AVEN: variants seen among roughly 807,000 people sequenced by gnomAD.
AVEN encodes apoptosis and caspase activation inhibitor.
AVEN carries 41 observed loss-of-function variants against 38.1 expected under a neutral mutation model. The ratio of observed to expected loss-of-function variants is 1.08; its 90% CI spans 0.84 to 1.40. The LOEUF (loss-of-function observed/expected upper bound fraction) is 1.40. Among genes scored for constraint, AVEN ranks in the 40% most tolerant of loss-of-function variants. The pLI, the probability that AVEN is intolerant of heterozygous loss-of-function variation, is 0.00. For missense variants in AVEN, 605 were observed against 438.8 expected (o/e 1.38, Z -3.38); for synonymous variants, 206 against 171.8 (o/e 1.20, Z -1.56).
chr15:34,010,191 AC>A (rs1228395023), intron 1 of AVEN, among the ~76,000 whole-genome samples: 1 of 152,210 alleles, frequency 6.6e-6, no homozygotes, highest in African/African-American at 2.4e-5. Context: ...TACTGAAGCT[AC>A]CATCCTATTT....
rs537956491 is a variant in AVEN at position 33,888,419 on chromosome 15, G to A, written c.446-12424C>T. On this transcript the variant is annotated intron_variant, in intron 2 of 5. Coordinates refer to ENST00000306730, the MANE Select transcript of AVEN (RefSeq NM_020371.3). ...CCGACGGAAAACAAAGAGCTGCCCAGGCAAAAAGCCAGAAGGAGATGGTAA... is the reference window on the plus strand; with the variant it reads ...CCGACGGAAAACAAAGAGCTGCCCAAGCAAAAAGCCAGAAGGAGATGGTAA... Among the ~76,000 whole-genome samples, 4 of 152,200 alleles carry A rather than the reference G, an allele frequency of 2.6e-5. No homozygotes were observed. The East Asian group carries it at 7.8e-4, about 30-fold the overall frequency.
At chr15:33,864,945 G>C (rs920992842), downstream of AVEN, 3 of 543,194 alleles carry the variant, frequency 5.5e-6, no homozygotes, top group Non-Finnish European at 9.8e-6. Context: ...GCATGTGTCA[G>C]AGAGACATGG....
chr15:33,950,825 A>C (rs1340141795), intron 2 of AVEN, among the ~76,000 whole-genome samples: 2 of 152,086 alleles, frequency 1.3e-5, no homozygotes, highest in Non-Finnish European at 2.9e-5. Context: ...GGGCAACATA[A>C]TGAGACCCTG....
upstream of AVEN, among the ~76,000 whole-genome samples, chr15:34,042,214 T>C (rs1428110715): frequency 6.6e-6 from 1 of 152,196 alleles, no homozygotes; most frequent in Non-Finnish European, 1.5e-5. Flanking sequence ...TTTCTGGTAT[T>C]GCTTTTGCTT....
chr15:34,042,613 G>T (rs893697369), upstream of AVEN, among the ~76,000 whole-genome samples: 7 of 151,876 alleles, frequency 4.6e-5, no homozygotes, highest in South Asian at 8.3e-4. Context: ...ATGTTGGTCA[G>T]GCTGGTCTCA....
At chr15:33,934,210 CAA>C (rs34165431) in intron 2 of AVEN, among the ~76,000 whole-genome samples, 112 of 141,520 alleles carry the variant, frequency 7.9e-4, no homozygotes, top group Middle Eastern at 3.6e-3. Flanking sequence ...CCCATCTCTA[CAA>C]AAAAAAAAAA....
chr15:33,931,754 A>C (rs576008895), intron 2 of AVEN, among the ~76,000 whole-genome samples: 1 of 152,316 alleles, frequency 6.6e-6, no homozygotes, highest in African/African-American at 2.4e-5. Context: ...TTTTAAAAAA[A>C]TAAAGAGCTT....
chr15:34,020,086 T>C (rs1196814799), intron 1 of AVEN, among the ~76,000 whole-genome samples: 3 of 152,190 alleles, frequency 2.0e-5, no homozygotes, highest in South Asian at 4.1e-4. Flanking sequence ...CCAAGGTGGG[T>C]GGATCACAAG....
At chr15:33,992,250 C>T (rs781005319) in intron 2 of AVEN, among the ~76,000 whole-genome samples, 21 of 152,130 alleles carry the variant, frequency 1.4e-4, no homozygotes, top group Non-Finnish European at 2.5e-4. Context: ...GTTAGCTGGG[C>T]GTGGTGGCGG....
intron 2 of AVEN, among the ~76,000 whole-genome samples, chr15:33,901,374 G>A (rs1892493610): frequency 6.6e-6 from 1 of 152,184 alleles, no homozygotes; most frequent in Non-Finnish European, 1.5e-5. Flanking sequence ...ACCGACACGT[G>A]CATACACACG....
chr15:34,040,922 A>G (rs925276047), upstream of AVEN, among the ~76,000 whole-genome samples: 9 of 151,898 alleles, frequency 5.9e-5, no homozygotes, highest in African/African-American at 2.2e-4. Context: ...AGATTTCAAC[A>G]TGAATTTTGA....
chr15:34,053,299 C>CAAA (rs71454513), intron 5 of AVEN, among the ~76,000 whole-genome samples: 1,781 of 51,464 alleles, frequency 0.035, 89 homozygotes, highest in Non-Finnish European at 0.048. Flanking sequence ...GACTCCATCT[C>CAAA]AAAAAAAAAA....
chr15:34,025,590 T>C (rs1037180985), intron 1 of AVEN, among the ~76,000 whole-genome samples: 3 of 152,230 alleles, frequency 2.0e-5, no homozygotes, highest in Non-Finnish European at 4.4e-5. Context: ...ATTGTAGCAA[T>C]GTTAATGTCC....
chr15:33,852,035 A>ACTGC, the AVEN span: 1 of 152,014 alleles, frequency 6.6e-6, no homozygotes, highest in Non-Finnish European at 1.5e-5. Flanking sequence ...TTTTTTAAAT[A>ACTGC]CTGCCACCCT....
At chr15:33,859,924 G>C (rs2080147710) in intron 11 of AVEN, among the ~76,000 whole-genome samples, 1 of 152,184 alleles carries the variant, frequency 6.6e-6, no homozygotes, top group Non-Finnish European at 1.5e-5. Context: ...CCCAGGCACA[G>C]TTATAAGAAG....
chr15:33,916,665 CATAATAAAAAAATAATAATAATAA>C (rs1186444642), intron 2 of AVEN, among the ~76,000 whole-genome samples: 1 of 151,854 alleles, frequency 6.6e-6, no homozygotes, highest in Non-Finnish European at 1.5e-5. Flanking sequence ...CAAGAACGGC[CATAATAAAAAAATAATAATAATAA>C]ATGTTGGCAT....
At chr15:33,949,028 T>G (rs1894618354) in intron 2 of AVEN, among the ~76,000 whole-genome samples, 1 of 151,334 alleles carries the variant, frequency 6.6e-6, no homozygotes. Context: ...CAACAAACAG[T>G]TCTTCTTTTT....
chr15:34,063,451 C>A lies in AVEN; in HGVS notation n.1127-19G>T. ...ACCAAAGCTGAGAAGAGAAAGCCAG[C>A]TCATAGGGCTCTGTTCAGATCCTGC... On this transcript the variant is annotated intron_variant and non_coding_transcript_variant, in intron 4 of 11. Coordinates refer to the AVEN transcript ENST00000675287. This position sits in a 1 kb window ranked among gnomAD's most constrained non-coding sequence, Gnocchi z 4.1. 6.2e-7 allele frequency: 1 copy of A among 1,613,870 alleles called. No individual in the cohort carries two copies. The highest frequency in any genetic ancestry group is 2.2e-5 in the East Asian group (1 of 44,886).
chr15:33,952,243 A>G (rs1033076881), intron 2 of AVEN, among the ~76,000 whole-genome samples: 2 of 151,552 alleles, frequency 1.3e-5, no homozygotes, highest in Middle Eastern at 3.4e-3. Context: ...CAAAAAGGGG[A>G]AAAAAAATCA....
Sources: allele counts gnomAD v4.1 joint callset (sites outside exome capture counted in the v4.1 genomes callset), GRCh38; gene constraint gnomAD v4.1.1; non-coding constraint Gnocchi (gnomAD v3.1); transcripts MANE v1.5; gene names NCBI Gene and HGNC (gene_info 2026-07-23, HGNC 2026-07-21).